PRSS36: variants seen among roughly 807,000 people sequenced by gnomAD.
The protein encoded by PRSS36 is polyserase-2.
Under a neutral mutation model 94.3 loss-of-function variants are expected in PRSS36, and 90 were observed. The ratio of observed to expected loss-of-function variants is 0.95; its 90% CI spans 0.80 to 1.14. PRSS36 has a LOEUF of 1.14. PRSS36 is among the 50% of genes most tolerant of loss of function. PRSS36 has a pLI of 0.00. For missense variants in PRSS36, 1,158 were observed against 1,135.0 expected (o/e 1.02, Z -0.29); for synonymous variants, 500 against 489.6 (o/e 1.02, Z -0.28).
rs200699076 is a variant in PRSS36, at chr16:31,139,211, T to A, written c.2495A>T (p.Glu832Val). The A allele has an allele frequency of 2.5e-6, 4 of 1,613,124 alleles. No homozygotes were observed. The highest frequency in any genetic ancestry group is 1.3e-5 in the African/African-American group (1 of 74,904). Residue 832 changes from glutamate to valine, a missense_variant, in exon 15 of 15, where the codon GAA (glutamate) becomes GTA (valine). Glu to Val is a moderately radical substitution (Grantham distance 121). Coordinates refer to ENST00000268281, the MANE Select transcript of PRSS36 (RefSeq NM_173502.5). ...PTGGSNLCPP[E>V]LAKASGSPHA... ...CGGGGATCCCGAGGCCTTGGCCAGT[T>A]CTGGGGGGCAGAGATTGCTGCCTCC...
At chr16:31,143,289 C>A in intron 8 of PRSS36, 53 bp downstream of exon 8, 1 of 1,540,958 alleles carries the variant, frequency 6.5e-7, no homozygotes, top group South Asian at 1.3e-5. Flanking sequence ...TGGATGGTAT[C>A]TCAGGCTGTA....
chr16:31,148,755 C>G lies in PRSS36; in HGVS notation c.273-80G>C, dbSNP rs2057844014. 4.5e-6 allele frequency: 7 copies of G among 1,562,024 alleles called. No homozygotes were observed. In the East Asian group the frequency reaches 9.0e-5, roughly 20 times the overall value. On this transcript the variant is annotated intron_variant, in intron 4 of 14. Transcript: ENST00000268281. ...CCTCGTTGGGGGCAGGGGCTCAGAG[C>G]CAGAGGGGCAGGTGCTATCCGATCC...
intron 6 of PRSS36, among the ~76,000 whole-genome samples, chr16:31,144,093 G>C (rs1000046435): frequency 1.3e-5 from 2 of 152,198 alleles, no homozygotes; most frequent in Non-Finnish European, 2.9e-5. Context: ...GTTGTCATTA[G>C]AGCCAAGTGA....
At chr16:31,141,424 C>A (rs371923521) in intron 12 of PRSS36, 45 bp downstream of exon 12, 75 of 1,548,678 alleles carry the variant, frequency 4.8e-5, no homozygotes, top group Non-Finnish European at 7.0e-6. Context: ...GGCTCTGTTC[C>A]ATTCTCCCCT....
chr16:31,139,259 C>T lies in PRSS36; in HGVS notation c.2447G>A (p.Ser816Asn). The T allele has an allele frequency of 6.2e-7, 1 of 1,614,136 alleles. No homozygotes were observed. Among genetic ancestry groups the T allele is most frequent in the Non-Finnish European group, 8.5e-7 (1 of 1,179,988 alleles). The change falls in exon 15 of 15, where the codon AGT becomes AAT. Residue 816 changes from serine (S) to asparagine (N), a missense_variant. By Grantham distance (46) the Ser-to-Asn change is conservative. Transcript: ENST00000268281. ...TCCAGTGGGCCAGTGTGGGGAGCCA[C>T]TGGGGGGCAGGAAGTTGGCCTCTCC... is the stretch of plus-strand genomic sequence containing the variant. ...TVGEANFLPP[S>N]GSPHWPTGGS... is the part of the protein sequence containing the mutation.
Position 31,141,926 on chromosome 16 carries a change from T to C in PRSS36, c.1556A>G (p.Glu519Gly). 6.2e-7 allele frequency: 1 copy of C among 1,614,038 alleles called. No homozygotes were observed. The highest frequency in any genetic ancestry group is 8.5e-7 in the Non-Finnish European group (1 of 1,180,006). ...DSRWSLLCQEEGTWFLAGIRD... is the reference protein window; with the variant it reads ...DSRWSLLCQEGGTWFLAGIRD... ...GATTCCAGCCAGAAACCAGGTCCCC[T>C]CCTCCTGGCACAAAAGGCTCCAACG... Residue 519 changes from glutamate to glycine, a missense_variant, in exon 11 of 15, where the codon GAG becomes GGG. Physicochemically the swap from Glu to Gly is moderately conservative, Grantham distance 98. Transcript: ENST00000268281.
In PRSS36 at chr16:31,139,196, G is replaced by T; in HGVS notation, c.2510C>A (p.Ser837Ter). Residue 837 changes from serine (S) to a stop codon, truncating the protein, a stop_gained, in exon 15 of 15, where the codon TCG (serine) becomes TAG (stop). Transcript: ENST00000268281. LOFTEE classifies it low-confidence loss of function (END_TRUNC). ...GAAGTAGACTGCATGCGGGGATCCC[G>T]AGGCCTTGGCCAGTTCTGGGGGGCA... ...NLCPPELAKA[S>*]GSPHAVYFLL... 1 of 1,608,320 alleles carries T rather than the reference G, an allele frequency of 6.2e-7. No homozygotes were observed. The highest frequency in any genetic ancestry group is 8.5e-7 in the Non-Finnish European group (1 of 1,176,154).
intron 14 of PRSS36, among the ~76,000 whole-genome samples, chr16:31,139,919 G>GCGCAGT (rs1234857156): frequency 2.0e-5 from 3 of 149,808 alleles, no homozygotes; most frequent in Non-Finnish European, 4.4e-5. Flanking sequence ...CCTTGGCCGG[G>GCGCAGT]CGCAGTGGCT....
Position 31,142,564 on chromosome 16 carries a change from C to G in PRSS36, c.1438G>C (p.Gly480Arg). 6.6e-7 allele frequency: 1 copy of G among 1,526,380 alleles called. No individual in the cohort carries two copies. The highest frequency in any genetic ancestry group is 8.8e-7 in the Non-Finnish European group (1 of 1,140,972). 94.6% of individuals were successfully genotyped at this position (1,526,380 alleles called of 1,614,324 possible). Residue 480 changes from glycine (G) to arginine (R), a missense_variant, in exon 10 of 15, where the codon GGG becomes CGG. By Grantham distance (125) the Gly-to-Arg change is moderately radical. Transcript: ENST00000268281. ...WWCHCLYGRQ[G>R]AAVPLPGDPP... ...TCTCCGGGCAGCGGTACTGCCGCCC[C>G]CTGGCGGCCGTACAGGCAGTGGCAC... is the stretch of plus-strand genomic sequence containing the variant.
At chr16:31,143,965 GT>G in intron 6 of PRSS36, 128 bp from the exon 7 acceptor site, 2 of 1,181,436 alleles carry the variant, frequency 1.7e-6, no homozygotes, top group Non-Finnish European at 2.4e-6. Flanking sequence ...GCTAGGCCTT[GT>G]CCTCTGCATT....
At chr16:31,142,062 G>A (rs2144025636) in intron 10 of PRSS36, 102 bp from the exon 11 acceptor site, 1 of 1,008,068 alleles carries the variant, frequency 9.9e-7, no homozygotes, top group Non-Finnish European at 1.5e-6. Flanking sequence ...ATTTGCGGAA[G>A]TATCAAGTTC....
chr16:31,141,289 C>A (rs1376622530), intron 12 of PRSS36, among the ~76,000 whole-genome samples, 180 bp downstream of exon 12: 1 of 152,160 alleles, frequency 6.6e-6, no homozygotes, highest in African/African-American at 2.4e-5. Flanking sequence ...GTGGCTCATG[C>A]CTGTAATCTT....
intron 6 of PRSS36, among the ~76,000 whole-genome samples, chr16:31,144,947 C>T (rs542758881): frequency 3.9e-4 from 60 of 152,074 alleles, no homozygotes; most frequent in African/African-American, 1.3e-3. Flanking sequence ...ATTAGCTGGC[C>T]GTGGTGGCAC....
chr16:31,145,706 G>C, intron 6 of PRSS36, 83 bp downstream of exon 6: 1 of 1,347,680 alleles, frequency 7.4e-7, no homozygotes, highest in Non-Finnish European at 1.0e-6. Flanking sequence ...TTTTGCAGAT[G>C]AGGCTTGGAG....
chr16:31,141,099 G>A (rs1323219207), intron 12 of PRSS36, among the ~76,000 whole-genome samples: 1 of 152,102 alleles, frequency 6.6e-6, no homozygotes, highest in African/African-American at 2.4e-5. Context: ...GCTAATTTTT[G>A]TATTTTTAGT....
rs764054851 is a variant in PRSS36, at chr16:31,148,534, G to T, written c.414C>A (p.Ala138=). The part of the protein sequence containing the change: ...PANYSQVELG[A]DLALLRLASP... ...AGGCCAGGCGCAGCAGGGCCAGGTC[G>T]GCGCCCAGCTCCACTTGGCTGTAGT... is the stretch of plus-strand genomic sequence containing the variant. Residue 138 remains alanine (A), a synonymous_variant, in exon 5 of 15, where the codon GCC becomes GCA. Coordinates refer to ENST00000268281, the MANE Select transcript of PRSS36 (RefSeq NM_173502.5). The T allele has an allele frequency of 6.3e-7, 1 of 1,598,866 alleles. No homozygotes were observed. The highest frequency in any genetic ancestry group is 8.5e-7 in the Non-Finnish European group (1 of 1,175,664).
chr16:31,149,241 A>G lies in PRSS36; in HGVS notation c.110-6T>C. On this transcript the variant is annotated splice_polypyrimidine_tract_variant and splice_region_variant and intron_variant, in intron 3 of 14. Coordinates refer to ENST00000268281, the MANE Select transcript of PRSS36 (RefSeq NM_173502.5). Reference sequence around the variant, plus strand: ...GGGCTCAGGGCGCCCGCAGTCTGCAACGGGGAGCCGTGGAAGCCAAAGCTC... The same window carrying G: ...GGGCTCAGGGCGCCCGCAGTCTGCAGCGGGGAGCCGTGGAAGCCAAAGCTC... 6.5e-7 allele frequency: 1 copy of G among 1,548,112 alleles called. No individual in the cohort carries two copies. Among genetic ancestry groups the G allele is most frequent in the South Asian group, 1.2e-5 (1 of 84,090 alleles).
At chr16:31,148,372 C>T (rs909199656) in intron 5 of PRSS36, 23 bp downstream of exon 5, 10 of 1,529,600 alleles carry the variant, frequency 6.5e-6, no homozygotes, top group Non-Finnish European at 8.7e-6. Flanking sequence ...CGAGGCCCTC[C>T]CCTCTTGTCC....
intron 14 of PRSS36, 94 bp downstream of exon 14, chr16:31,140,200 A>AG (rs376615889): frequency 0.011 from 12,695 of 1,126,014 alleles, 6 homozygotes; most frequent in South Asian, 0.017. Context: ...AAAAAAAAAA[A>AG]AAAAAAAAAA....
Sources: gnomAD v4.1 joint callset for allele counts (sites outside exome capture counted in the v4.1 genomes callset) on GRCh38, gnomAD v4.1.1 for gene constraint, MANE v1.5 for transcripts, NCBI Gene and HGNC (gene_info 2026-07-23, HGNC 2026-07-21) for gene names.